Variants in RIMS2 observed in about 807,000 individuals in gnomAD.
RIMS2 encodes regulating synaptic membrane exocytosis 2, also known as regulating synaptic membrane exocytosis protein 2.
In RIMS2, 59 loss-of-function variants were observed where a neutral mutation model predicts 174.4. The ratio of observed to expected loss-of-function variants is 0.34; its 90% CI spans 0.27 to 0.42. RIMS2 has a LOEUF of 0.42. RIMS2 is among the 10% of genes least tolerant of loss of function. The pLI, the probability that RIMS2 is intolerant of heterozygous loss-of-function variation, is 1.00. For missense variants in RIMS2, 1,620 were observed against 1,666.3 expected (o/e 0.97, Z 0.48); for synonymous variants, 606 against 572.5 (o/e 1.06, Z -0.84).
intron 2 of RIMS2, among the ~76,000 whole-genome samples, chr8:103,749,181 G>A (rs926492229): frequency 6.9e-6 from 1 of 144,992 alleles, no homozygotes; most frequent in Non-Finnish European, 1.5e-5. Flanking sequence ...GCGTGATCTC[G>A]GCTTACTGCA....
intron 14 of RIMS2, among the ~76,000 whole-genome samples, chr8:103,947,118 C>A (rs1006926008): frequency 6.6e-6 from 1 of 152,072 alleles, no homozygotes; most frequent in Non-Finnish European, 1.5e-5. Context: ...GGATAATAGA[C>A]CCAGCTGTAA....
At chr8:104,208,547 G>A (rs1463135665) in intron 19 of RIMS2, among the ~76,000 whole-genome samples, 1 of 150,772 alleles carries the variant, frequency 6.6e-6, no homozygotes, top group African/African-American at 2.4e-5. Context: ...CAGCCTGGGT[G>A]GCAGAGTGAG....
intron 19 of RIMS2, among the ~76,000 whole-genome samples, chr8:104,065,608 T>C (rs78785447): frequency 0.024 from 3,579 of 152,222 alleles, 144 homozygotes; most frequent in African/African-American, 0.081. Context: ...AGACTTCATA[T>C]GAACCAAATA....
chr8:103,736,823 A>G (rs1320483879), intron 2 of RIMS2, among the ~76,000 whole-genome samples: 1 of 152,024 alleles, frequency 6.6e-6, no homozygotes, highest in South Asian at 2.1e-4. Context: ...TTTCTTACTT[A>G]TTTTATACTA....
chr8:104,216,934 A>C (rs756803367), intron 19 of RIMS2, among the ~76,000 whole-genome samples: 12 of 152,352 alleles, frequency 7.9e-5, no homozygotes, highest in Non-Finnish European at 1.6e-4. Context: ...TACCTTATAT[A>C]GTGTTTATGA....
chr8:103,756,051 C>G (rs1285798807), intron 2 of RIMS2, among the ~76,000 whole-genome samples: 2 of 152,294 alleles, frequency 1.3e-5, no homozygotes, highest in Middle Eastern at 3.4e-3. Flanking sequence ...GGTTTCTCCC[C>G]ATCTTTGTGG....
At chr8:104,137,584 A>G (rs2098531741) in intron 19 of RIMS2, among the ~76,000 whole-genome samples, 2 of 152,228 alleles carry the variant, frequency 1.3e-5, no homozygotes, top group Non-Finnish European at 2.9e-5. Flanking sequence ...AATAGATGGC[A>G]TATGATAAAT....
chr8:104,147,181 C>G (rs1002053350), intron 19 of RIMS2, among the ~76,000 whole-genome samples: 14 of 151,958 alleles, frequency 9.2e-5, no homozygotes, highest in Admixed American at 9.2e-4. Context: ...ATATTCTCAT[C>G]TCTTTTCTCT....
At chr8:103,586,893 A>C (rs191563246) in intron 1 of RIMS2, among the ~76,000 whole-genome samples, 2 of 152,182 alleles carry the variant, frequency 1.3e-5, no homozygotes, top group East Asian at 3.9e-4. Context: ...ATCAGATTGA[A>C]AAAGGAGACA....
intron 1 of RIMS2, among the ~76,000 whole-genome samples, chr8:103,502,133 T>C (rs1479772221): frequency 6.6e-6 from 1 of 152,202 alleles, no homozygotes; most frequent in Non-Finnish European, 1.5e-5. Flanking sequence ...GATGATTCTT[T>C]TGCGTTTTGT....
At chr8:104,186,051 A>G (rs569023458) in intron 19 of RIMS2, among the ~76,000 whole-genome samples, 97 of 151,894 alleles carry the variant, frequency 6.4e-4, no homozygotes, top group African/African-American at 2.3e-3. Flanking sequence ...ACCACTATTC[A>G]GCCATAAAAA....
Position 103,834,680 on chromosome 8 carries a change from CT to C in RIMS2, c.699-50615del, listed in dbSNP as rs2098848466. Among the ~76,000 whole-genome samples the C allele has an allele frequency of 9.3e-3, 369 of 39,724 alleles. 6 individuals carry two copies. Among genetic ancestry groups the C allele is most frequent in the Admixed American group, 0.022 (57 of 2,560 alleles). 26.1% of individuals were successfully genotyped at this position (39,724 alleles called of 152,430 possible). On this transcript the variant is annotated intron_variant, in intron 3 of 23. Coordinates refer to ENST00000504942, the Ensembl canonical transcript of RIMS2. ...GCCAGCAAGCCTCTGAGGTCTTTTT[CT>C]TTCTTTCTTTCTTTCTTTCTTTCTT...
At chr8:103,588,105 C>T (rs1056475569) in intron 1 of RIMS2, among the ~76,000 whole-genome samples, 3 of 151,634 alleles carry the variant, frequency 2.0e-5, no homozygotes, top group Admixed American at 1.3e-4. Context: ...TTGCTATATG[C>T]CAACAGTGAA....
chr8:103,620,294 A>G (rs1031619202), intron 1 of RIMS2, among the ~76,000 whole-genome samples: 2 of 152,194 alleles, frequency 1.3e-5, no homozygotes, highest in African/African-American at 4.8e-5. Context: ...CTCAGGGAAT[A>G]CAAGCTTAAA....
intron 3 of RIMS2, among the ~76,000 whole-genome samples, chr8:103,778,326 C>T (rs1238800016): frequency 6.6e-6 from 1 of 152,036 alleles, no homozygotes; most frequent in Non-Finnish European, 1.5e-5. Context: ...TAACTAGTAT[C>T]ATCCTACTGA....
intron 1 of RIMS2, 54 bp downstream of exon 3, chr8:103,652,764 T>C: frequency 3.7e-6 from 4 of 1,069,608 alleles, no homozygotes; most frequent in East Asian, 5.4e-5. Flanking sequence ...TATAACATAC[T>C]GAAAAGTATG....
At position 103,885,893 on chromosome 8, in the gene RIMS2, A is replaced by G. The variant is rs746233509; in HGVS notation, c.1294A>G (p.Ser432Gly). The change falls in exon 4 of 24, where the codon AGT becomes GGT. Residue 432 changes from serine to glycine, a missense_variant. Ser to Gly is a moderately conservative substitution (Grantham distance 56, BLOSUM62 0). Coordinates refer to ENST00000504942, the Ensembl canonical transcript of RIMS2. ...TTATGCACAAAGGACCACAAACCAT[A>G]GTCCTCCTACCCCCAGGAGGAGTCC... The G allele has an allele frequency of 2.7e-5, 44 of 1,613,024 alleles. 1 individual carries two copies. Among genetic ancestry groups the G allele is most frequent in the Middle Eastern group, 1.7e-4 (1 of 6,054 alleles).
At chr8:103,995,489 ATTCT>A (rs2095032293) in intron 17 of RIMS2, among the ~76,000 whole-genome samples, 1 of 152,100 alleles carries the variant, frequency 6.6e-6, no homozygotes, top group Non-Finnish European at 1.5e-5. Flanking sequence ...AATGGTGGGC[ATTCT>A]TGACAGAATG....
intron 19 of RIMS2, among the ~76,000 whole-genome samples, chr8:104,170,836 TGTC>T (rs2098827939): frequency 6.6e-6 from 1 of 152,114 alleles, no homozygotes; most frequent in Non-Finnish European, 1.5e-5. Flanking sequence ...TAGCATTTCT[TGTC>T]GTGCTAGTTT....
Sources: allele counts gnomAD v4.1 joint callset (sites outside exome capture counted in the v4.1 genomes callset), GRCh38; gene constraint gnomAD v4.1.1; transcripts MANE v1.5; gene names NCBI Gene and HGNC (gene_info 2026-07-23, HGNC 2026-07-21).